Variants in ZFP14 observed in about 807,000 individuals in gnomAD.
ZFP14 encodes zinc finger protein 14 homolog.
ZFP14 carries 22 observed loss-of-function variants against 54.5 expected under a neutral mutation model. The ratio of observed to expected loss-of-function variants is 0.40; its 90% CI spans 0.29 to 0.58. The LOEUF (loss-of-function observed/expected upper bound fraction) is 0.58, where lower values mean the gene tolerates loss of function less well. ZFP14 is among the 20% of genes least tolerant of loss of function. The pLI is 0.39. For missense variants in ZFP14, 470 were observed against 637.8 expected, an observed-to-expected ratio of 0.74 and a Z score of 2.83; for synonymous variants, 159 against 204.0, an observed-to-expected ratio of 0.78 and a Z score of 1.88.
intron 1 of ZFP14, 25 bp from the exon 2 acceptor site, chr19:36,367,996 A>C: frequency 7.3e-7 from 1 of 1,374,700 alleles, no homozygotes. Flanking sequence ...AGAAACCATG[A>C]AATAAGCTGC....
At chr19:36,364,298 C>A (rs2031758091) in intron 2 of ZFP14, among the ~76,000 whole-genome samples, 1 of 152,096 alleles carries the variant, frequency 6.6e-6, no homozygotes, top group Non-Finnish European at 1.5e-5. Context: ...CACGCAGGGG[C>A]ACAAGGGGAT....
In ZFP14 at chr19:36,337,669, T is replaced by G. The variant is rs760287871; in HGVS notation, c.*2555A>C. 1.4e-5 allele frequency: 2 copies of G among 140,864 alleles called. No individual in the cohort carries two copies. Among genetic ancestry groups the G allele is most frequent in the African/African-American group, 4.9e-5 (2 of 40,728 alleles). 8.7% of individuals were successfully genotyped at this position (140,864 alleles called of 1,614,324 possible). On this transcript the variant is annotated 3_prime_UTR_variant, in exon 5 of 5. Transcript: ENST00000270001. ...AAGGGATGACCATATACTGTTCATC[T>G]AGTCCCTGTCTGCTTTCAGTTCATT...
At chr19:36,349,179 C>T (rs982981352) in intron 4 of ZFP14, among the ~76,000 whole-genome samples, 2 of 121,768 alleles carry the variant, frequency 1.6e-5, no homozygotes, top group Admixed American at 2.3e-4. Flanking sequence ...TTCAGTGAGC[C>T]GAGATTATGC....
chr19:36,345,195 G>A (rs535939869), intron 4 of ZFP14, among the ~76,000 whole-genome samples: 33 of 152,286 alleles, frequency 2.2e-4, no homozygotes, highest in African/African-American at 6.7e-4. Context: ...TCTGGGAGGC[G>A]GAGGTTGGGG....
chr19:36,338,862 A>G lies in ZFP14; in HGVS notation c.*1362T>C, dbSNP rs1490298577. ...GAGTTTTATACACACACATAAATAT[A>G]CACAACAATATTAAATTCCTAGGTG... On this transcript the variant is annotated 3_prime_UTR_variant, in exon 5 of 5. Coordinates refer to ENST00000270001, the MANE Select transcript of ZFP14 (RefSeq NM_020917.3). The G allele has an allele frequency of 1.3e-5, 2 of 152,238 alleles. No individual in the cohort carries two copies. The highest frequency in any genetic ancestry group is 2.9e-5 in the Non-Finnish European group (2 of 68,048). The allele number at this position is 152,238 out of a possible 1,614,324, so 9.4% of individuals were successfully genotyped here. A position where few individuals can be genotyped will look rare whatever the true frequency, so the allele number is the denominator to read the frequency against.
chr19:36,352,537 C>T (rs2145548723), intron 4 of ZFP14, among the ~76,000 whole-genome samples: 1 of 143,304 alleles, frequency 7.0e-6, no homozygotes, highest in African/African-American at 2.6e-5. Flanking sequence ...TGGCTCACAC[C>T]TGTAATACCA....
chr19:36,356,478 T>C (rs1460719203), intron 4 of ZFP14, among the ~76,000 whole-genome samples: 1 of 151,988 alleles, frequency 6.6e-6, no homozygotes, highest in Non-Finnish European at 1.5e-5. Flanking sequence ...AGAGCTTACT[T>C]AGACTTCACC....
intron 4 of ZFP14, among the ~76,000 whole-genome samples, chr19:36,358,088 CTATCATCT>C (rs566407883): frequency 0.037 from 5,309 of 143,118 alleles, 137 homozygotes; most frequent in Admixed American, 0.1. Flanking sequence ...ATCTATCTAT[CTATCATCT>C]ATCTATCTAT....
Position 36,349,241 on chromosome 19 carries a change from AAC to A in ZFP14, c.236-7653_236-7652del, listed in dbSNP as rs1387125903. Among the ~76,000 whole-genome samples the A allele has an allele frequency of 7.6e-4, 31 of 40,764 alleles. 2 individuals carry two copies. The highest frequency in any genetic ancestry group is 3.8e-3 in the African/African-American group (22 of 5,848). 26.7% of individuals were successfully genotyped at this position (40,764 alleles called of 152,430 possible). A position where few individuals can be genotyped will look rare whatever the true frequency, so the allele number is the denominator to read the frequency against. The stretch of plus-strand genomic sequence containing the variant: ...AGGGGAACTCTGTCTCAAAAAAAAA[AAC>A]AAAAAAAAAAAAACAAAAAAAAAAA... On this transcript the variant is annotated intron_variant, in intron 4 of 4. Coordinates refer to ENST00000270001, the MANE Select transcript of ZFP14 (RefSeq NM_020917.3).
At position 36,375,381 on chromosome 19, in the gene ZFP14, G is replaced by A. The variant is rs1423544594; in HGVS notation, c.-80+3782C>T. On this transcript the variant is annotated intron_variant, in intron 1 of 4. Coordinates refer to ENST00000270001, the MANE Select transcript of ZFP14 (RefSeq NM_020917.3). Reference sequence around the variant, plus strand: ...GTGAGATTGCTGAATAAAGCAGGAAGGAATTTTTTTTTTTTTTTTTTTTTG... The same window carrying A: ...GTGAGATTGCTGAATAAAGCAGGAAAGAATTTTTTTTTTTTTTTTTTTTTG... Among the ~76,000 whole-genome samples the A allele has an allele frequency of 2.1e-5, 3 of 142,876 alleles. No individual in the cohort carries two copies. In the East Asian group the frequency reaches 6.3e-4, roughly 30 times the overall value. The allele number at this position is 142,876 out of a possible 152,430, so 93.7% of individuals were successfully genotyped here. A position where few individuals can be genotyped will look rare whatever the true frequency, so the allele number is the denominator to read the frequency against.
chr19:36,347,917 G>A (rs2031448167), intron 4 of ZFP14, among the ~76,000 whole-genome samples: 1 of 152,124 alleles, frequency 6.6e-6, no homozygotes, highest in African/African-American at 2.4e-5. Context: ...AATTAGCTGG[G>A]TGTGGTGGCA....
At chr19:36,342,175 C>CTTTTTTT (rs35293783) in intron 4 of ZFP14, among the ~76,000 whole-genome samples, 1 of 74,608 alleles carries the variant, frequency 1.3e-5, no homozygotes, top group Non-Finnish European at 2.4e-5. Context: ...CATTCTATGC[C>CTTTTTTT]TTTTTTTTTT....
chr19:36,351,556 A>G (rs2031525671), intron 4 of ZFP14, among the ~76,000 whole-genome samples: 1 of 142,356 alleles, frequency 7.0e-6, no homozygotes. Context: ...AGGACACATA[A>G]AAGGAATTAA....
chr19:36,340,460 C>T lies in ZFP14; in HGVS notation c.1366G>A (p.Glu456Lys). The T allele has an allele frequency of 6.2e-7, 1 of 1,613,844 alleles. No homozygotes were observed. Among genetic ancestry groups the T allele is most frequent in the Non-Finnish European group, 8.5e-7 (1 of 1,179,806 alleles). Reference sequence around the variant, plus strand: ...AGCAGTCTAAAAGGTTTTCTACATTCCTTACATTCATAAGGTTTCTCACCA... The same window carrying T: ...AGCAGTCTAAAAGGTTTTCTACATTTCTTACATTCATAAGGTTTCTCACCA... Reference protein sequence around the residue: ...HTGEKPYECKECRKPFRLLSQ... With the variant: ...HTGEKPYECKKCRKPFRLLSQ... Residue 456 changes from glutamate to lysine, a missense_variant, in exon 5 of 5, where the codon GAA becomes AAA. Glu to Lys is a moderately conservative substitution (Grantham distance 56, BLOSUM62 1). Transcript: ENST00000270001. This position sits in a 1 kb window ranked among gnomAD's most constrained non-coding sequence, Gnocchi z 5.4.
chr19:36,347,003 T>A (rs2031428223), intron 4 of ZFP14, among the ~76,000 whole-genome samples: 1 of 152,196 alleles, frequency 6.6e-6, no homozygotes, highest in African/African-American at 2.4e-5. Context: ...TCAGTGTTCC[T>A]TTTCTATAAG....
chr19:36,368,646 G>A (rs563040671), intron 1 of ZFP14, among the ~76,000 whole-genome samples: 2 of 152,236 alleles, frequency 1.3e-5, no homozygotes, highest in South Asian at 2.1e-4. Context: ...TTTCAGGACT[G>A]AGAAGGGCCC....
chr19:36,358,682 T>C (rs1406151177), intron 4 of ZFP14, among the ~76,000 whole-genome samples: 1 of 152,216 alleles, frequency 6.6e-6, no homozygotes, highest in Non-Finnish European at 1.5e-5. Flanking sequence ...GAGAGCTTTT[T>C]ATCATGAATG....
chr19:36,357,101 G>A (rs922019203), intron 4 of ZFP14, among the ~76,000 whole-genome samples: 7 of 152,100 alleles, frequency 4.6e-5, no homozygotes, highest in African/African-American at 9.7e-5. Flanking sequence ...GGAGTGCAGC[G>A]GTGTGATCTT....
chr19:36,362,582 G>A (rs2031727235), intron 2 of ZFP14, among the ~76,000 whole-genome samples: 1 of 152,008 alleles, frequency 6.6e-6, no homozygotes, highest in Non-Finnish European at 1.5e-5. Context: ...TTAAAAATAT[G>A]AGGTCTTGAG....
Sources: allele counts gnomAD v4.1 joint callset (sites outside exome capture counted in the v4.1 genomes callset), GRCh38; gene constraint gnomAD v4.1.1; non-coding constraint Gnocchi (gnomAD v3.1); transcripts MANE v1.5; gene names NCBI Gene and HGNC (gene_info 2026-07-23, HGNC 2026-07-21).